UTRN: variants seen among roughly 807,000 people sequenced by gnomAD.
UTRN encodes the protein dystrophin-related protein 1.
In UTRN, 283 loss-of-function variants were observed where a neutral mutation model predicts 463.9. The ratio of observed to expected loss-of-function variants is 0.61; its 90% CI spans 0.55 to 0.67. UTRN has a LOEUF of 0.67. Ranked by LOEUF, UTRN falls within the 30% of genes least tolerant of loss-of-function variation. UTRN has a pLI of 0.00. For missense variants in UTRN, 3,922 were observed against 4,084.3 expected, an observed-to-expected ratio of 0.96 and a Z score of 1.08; for synonymous variants, 1,442 against 1,431.5, an observed-to-expected ratio of 1.01 and a Z score of -0.17.
intron 28 of UTRN, among the ~76,000 whole-genome samples, chr6:144,487,022 A>G (rs1562473629): frequency 6.6e-6 from 1 of 152,204 alleles, no homozygotes; most frequent in South Asian, 2.1e-4. Flanking sequence ...TTCTGCATAT[A>G]TTGTAGGAAA....
chr6:144,306,537 C>T (rs1448894751), intron 2 of UTRN, among the ~76,000 whole-genome samples: 2 of 151,978 alleles, frequency 1.3e-5, no homozygotes, highest in Admixed American at 6.6e-5. Context: ...CAAATGAAGC[C>T]TTTCTTTCTA....
chr6:144,834,363 A>G (rs987580099), intron 69 of UTRN, among the ~76,000 whole-genome samples: 6 of 152,336 alleles, frequency 3.9e-5, no homozygotes, highest in Non-Finnish European at 7.3e-5. Context: ...TTTATTGATG[A>G]AGAAAGCAAA....
At chr6:144,379,014 T>G (rs1334013371) in intron 2 of UTRN, among the ~76,000 whole-genome samples, 1 of 152,182 alleles carries the variant, frequency 6.6e-6, no homozygotes, top group African/African-American at 2.4e-5. Context: ...TTTCCGTAGT[T>G]GGGAAAGACT....
chr6:144,677,221 A>G (rs1196864309), intron 51 of UTRN, among the ~76,000 whole-genome samples: 1 of 151,952 alleles, frequency 6.6e-6, no homozygotes, highest in Non-Finnish European at 1.5e-5. Flanking sequence ...CTAGGTTTTA[A>G]TCCCTGCATA....
chr6:144,304,557 C>A (rs2114540836), intron 2 of UTRN, among the ~76,000 whole-genome samples: 1 of 152,216 alleles, frequency 6.6e-6, no homozygotes, highest in South Asian at 2.1e-4. Flanking sequence ...CCCAGGGCTT[C>A]AAGGAAGGCA....
intron 9 of UTRN, among the ~76,000 whole-genome samples, chr6:144,432,112 A>G (rs1283203317): frequency 6.6e-6 from 1 of 152,104 alleles, no homozygotes; most frequent in African/African-American, 2.4e-5. Flanking sequence ...CATTAGGTAT[A>G]TCTCCTAATG....
rs992727225 is a variant in UTRN at position 144,562,117 on chromosome 6, G to A, written c.7289+4806G>A. 3.9e-5 allele frequency among the ~76,000 whole-genome samples: 6 copies of A among 152,164 alleles called. No homozygotes were observed. In the East Asian group the frequency reaches 1.2e-3, roughly 29 times the overall value. On this transcript the variant is annotated intron_variant, in intron 50 of 74. Coordinates refer to ENST00000367545, the MANE Select transcript of UTRN (RefSeq NM_007124.3). ...GTTGCTGAATTTACCTTGCAATTAAGCATTTTCTGCCAAAGCAAAAGTCCA... is the reference window on the plus strand; with the variant it reads ...GTTGCTGAATTTACCTTGCAATTAAACATTTTCTGCCAAAGCAAAAGTCCA...
chr6:144,387,996 T>C (rs1243485606), intron 2 of UTRN, among the ~76,000 whole-genome samples: 1 of 152,202 alleles, frequency 6.6e-6, no homozygotes, highest in Non-Finnish European at 1.5e-5. Context: ...CTTGTCCTCA[T>C]TAAAGTGGAG....
At chr6:144,777,598 A>G (rs544080445) in intron 60 of UTRN, among the ~76,000 whole-genome samples, 2 of 152,214 alleles carry the variant, frequency 1.3e-5, no homozygotes, top group African/African-American at 4.8e-5. Flanking sequence ...CTTTTAGACC[A>G]CACATATGTA....
At chr6:144,500,410 C>T (rs1055231622) in intron 34 of UTRN, among the ~76,000 whole-genome samples, 2 of 152,000 alleles carry the variant, frequency 1.3e-5, no homozygotes, top group African/African-American at 4.8e-5. Context: ...CTAGTATGTC[C>T]TTTTTGAAGT....
At chr6:144,686,735 A>G (rs1782800323) in intron 52 of UTRN, among the ~76,000 whole-genome samples, 1 of 152,054 alleles carries the variant, frequency 6.6e-6, no homozygotes, top group Non-Finnish European at 1.5e-5. Context: ...TTTGGTTGCC[A>G]TTCGCATGTC....
intron 12 of UTRN, among the ~76,000 whole-genome samples, chr6:144,439,263 T>C (rs1786891939): frequency 6.6e-6 from 1 of 152,188 alleles, no homozygotes; most frequent in Admixed American, 6.5e-5. Context: ...AGGCATTAAG[T>C]TAGGAACCAA....
intron 2 of UTRN, among the ~76,000 whole-genome samples, chr6:144,374,835 A>C (rs1159304458): frequency 6.6e-6 from 1 of 151,258 alleles, no homozygotes; most frequent in Admixed American, 6.6e-5. Context: ...AATCCCAGGT[A>C]CTTGGGTGAC....
chr6:144,482,414 A>ATTT, intron 27 of UTRN, 26 bp downstream of exon 27: 1 of 872,778 alleles, frequency 1.1e-6, no homozygotes, highest in Non-Finnish European at 1.5e-6. Context: ...TATTGTTGTT[A>ATTT]TTATTATTAT....
chr6:144,459,177 G>C lies in UTRN; in HGVS notation c.2530G>C (p.Glu844Gln), dbSNP rs202019579. The change falls in exon 21 of 75, where the codon GAA becomes CAA. Residue 844 changes from glutamate (E) to glutamine (Q), a missense_variant. Coordinates refer to ENST00000367545, the MANE Select transcript of UTRN (RefSeq NM_007124.3). Reference protein sequence around the residue: ...LPSLKDSCQRELTNLLGLHPK... With the variant: ...LPSLKDSCQRQLTNLLGLHPK... ...GACCGTATTTTCTCTTCCTTAGCGGGAATTGACAAATCTTCTTGGCCTTCA... is the reference window on the plus strand; with the variant it reads ...GACCGTATTTTCTCTTCCTTAGCGGCAATTGACAAATCTTCTTGGCCTTCA... 4 of 1,610,248 alleles carry C rather than the reference G, an allele frequency of 2.5e-6. No individual in the cohort carries two copies. In the East Asian group the frequency reaches 8.9e-5, roughly 36 times the overall value.
intron 51 of UTRN, among the ~76,000 whole-genome samples, chr6:144,613,508 C>CAAAACA (rs1342280551): frequency 6.6e-6 from 1 of 151,894 alleles, no homozygotes; most frequent in Non-Finnish European, 1.5e-5. Context: ...TTTTCAATTA[C>CAAAACA]AAAACAAAAA....
At chr6:144,486,760 TC>T (rs1792492809) in intron 28 of UTRN, among the ~76,000 whole-genome samples, 1 of 152,170 alleles carries the variant, frequency 6.6e-6, no homozygotes, top group South Asian at 2.1e-4. Flanking sequence ...CATCAGGTGA[TC>T]CACCCGCTTC....
At chr6:144,799,314 A>G (rs1388916852) in intron 64 of UTRN, 2 of 370,008 alleles carry the variant, frequency 5.4e-6, no homozygotes, top group East Asian at 1.6e-4. Context: ...GGGAAGACTA[A>G]AGTATTGTGA....
At chr6:144,795,926 A>G (rs1777172873) in intron 63 of UTRN, among the ~76,000 whole-genome samples, 2 of 151,810 alleles carry the variant, frequency 1.3e-5, no homozygotes, top group African/African-American at 2.4e-5. Flanking sequence ...ATTAGATCCC[A>G]TTTGTCAATT....
Sources: gnomAD v4.1 joint callset for allele counts (sites outside exome capture counted in the v4.1 genomes callset) on GRCh38, gnomAD v4.1.1 for gene constraint, MANE v1.5 for transcripts, NCBI Gene and HGNC (gene_info 2026-07-23, HGNC 2026-07-21) for gene names.